The following ST6GAL1 variants were observed in gnomAD, a reference collection of about 807,000 sequenced individuals.
ST6GAL1 encodes ST6 beta-galactoside alpha-2,6-sialyltransferase 1.
In ST6GAL1, 20 loss-of-function variants were observed where a neutral mutation model predicts 38.0. The ratio of observed to expected loss-of-function variants is 0.53; its 90% CI spans 0.37 to 0.77. The LOEUF is 0.77. Ranked by LOEUF, ST6GAL1 falls within the 30% of genes least tolerant of loss-of-function variation. ST6GAL1 has a pLI of 0.00. For synonymous variants in ST6GAL1, 196 were observed against 188.2 expected (o/e 1.04, Z -0.34); for missense variants, 432 against 496.4 (o/e 0.87, Z 1.23).
At chr3:187,022,554 G>T (rs1717365912) in intron 2 of ST6GAL1, among the ~76,000 whole-genome samples, 1 of 152,118 alleles carries the variant, frequency 6.6e-6, no homozygotes, top group South Asian at 2.1e-4. Flanking sequence ...AGCCCTCTGG[G>T]TGAATAGATA....
chr3:187,055,725 A>C (rs2108590353), intron 5 of ST6GAL1, among the ~76,000 whole-genome samples: 1 of 152,278 alleles, frequency 6.6e-6, no homozygotes, highest in South Asian at 2.1e-4. Flanking sequence ...TTTACTTCCA[A>C]CTATGTGGTC....
At chr3:186,955,024 G>A (rs1714701462) in intron 1 of ST6GAL1, among the ~76,000 whole-genome samples, 6 of 152,116 alleles carry the variant, frequency 3.9e-5, no homozygotes, top group Admixed American at 3.9e-4. Context: ...ATAAGGAATG[G>A]GTCCAGTTTC....
intron 1 of ST6GAL1, among the ~76,000 whole-genome samples, chr3:186,957,212 G>GTA (rs1312826639): frequency 6.6e-6 from 1 of 152,216 alleles, no homozygotes; most frequent in Admixed American, 6.5e-5. Flanking sequence ...GGAGGCCAAG[G>GTA]TGAGTGGATC....
At chr3:187,056,804 A>G (rs1261459978) in intron 5 of ST6GAL1, among the ~76,000 whole-genome samples, 1 of 152,166 alleles carries the variant, frequency 6.6e-6, no homozygotes, top group African/African-American at 2.4e-5. Context: ...CTCGAGGAGT[A>G]TCTTTGTGGT....
intron 2 of ST6GAL1, among the ~76,000 whole-genome samples, chr3:186,981,728 C>T (rs2108537918): frequency 6.6e-6 from 1 of 152,318 alleles, no homozygotes; most frequent in Middle Eastern, 3.4e-3. Context: ...GAGAAAGACT[C>T]AACCCTTATC....
intron 2 of ST6GAL1, among the ~76,000 whole-genome samples, chr3:187,029,900 A>G (rs1177969989): frequency 6.6e-6 from 1 of 152,192 alleles, no homozygotes; most frequent in Non-Finnish European, 1.5e-5. Context: ...TAACCACAGA[A>G]GCTTGTTGGA....
At chr3:186,968,250 C>G (rs551709793) in intron 2 of ST6GAL1, among the ~76,000 whole-genome samples, 1 of 152,044 alleles carries the variant, frequency 6.6e-6, no homozygotes, top group Admixed American at 6.6e-5. Flanking sequence ...GTAAAATGGG[C>G]CGAATAATAC....
In ST6GAL1 at chr3:187,077,095, G is replaced by A. The variant is rs1361204221; in HGVS notation, c.*1292G>A. 1 of 397,852 alleles carries A rather than the reference G, an allele frequency of 2.5e-6. No homozygotes were observed. 24.6% of individuals were successfully genotyped at this position (397,852 alleles called of 1,614,324 possible). ...AGTGGTGTGGCTCTCTGGACTTAACGTCACTCTCAGAGGTCAGAACCTTGG... is the reference window on the plus strand; with the variant it reads ...AGTGGTGTGGCTCTCTGGACTTAACATCACTCTCAGAGGTCAGAACCTTGG... On this transcript the variant is annotated 3_prime_UTR_variant, in exon 8 of 8. Transcript: ENST00000169298.
chr3:186,998,793 C>A (rs1455951467), intron 2 of ST6GAL1, among the ~76,000 whole-genome samples: 1 of 152,190 alleles, frequency 6.6e-6, no homozygotes, highest in Non-Finnish European at 1.5e-5. Context: ...ACTTACAGCA[C>A]GTCTCATCTG....
At position 186,952,623 on chromosome 3, in the gene ST6GAL1, C is replaced by T. The variant is rs117474731; in HGVS notation, c.-324-11162C>T. ...GGGTTCAAGCGCTTCTCTGTTGGCT[C>T]ATTTTCACTTGGTCACTGTGGAGTG... On this transcript the variant is annotated intron_variant, in intron 1 of 7. Coordinates refer to ENST00000169298, the MANE Select transcript of ST6GAL1 (RefSeq NM_173216.2). This position sits in a 1 kb window ranked among gnomAD's most constrained non-coding sequence, Gnocchi z 4.1. Among the ~76,000 whole-genome samples, 264 of 152,214 alleles carry T rather than the reference C, an allele frequency of 1.7e-3. 8 individuals carry two copies. The East Asian group carries it at 0.041, about 24-fold the overall frequency.
chr3:186,951,282 C>T (rs1042770404), intron 1 of ST6GAL1, among the ~76,000 whole-genome samples: 3 of 152,154 alleles, frequency 2.0e-5, no homozygotes, highest in African/African-American at 7.2e-5. Context: ...GTCTCGAACT[C>T]CTGACCTCAG....
intron 2 of ST6GAL1, among the ~76,000 whole-genome samples, chr3:187,023,335 T>C (rs1277103951): frequency 6.6e-6 from 1 of 152,222 alleles, no homozygotes; most frequent in East Asian, 1.9e-4. Context: ...CGGATTTATG[T>C]TGTTTGACTC....
At chr3:186,932,375 T>C (rs1294041169) in intron 1 of ST6GAL1, among the ~76,000 whole-genome samples, 2 of 152,216 alleles carry the variant, frequency 1.3e-5, no homozygotes, top group East Asian at 1.9e-4. Flanking sequence ...GATTCTGTGA[T>C]TGGCCTAAAA....
intron 2 of ST6GAL1, among the ~76,000 whole-genome samples, chr3:187,026,738 A>G (rs1717549560): frequency 6.6e-6 from 1 of 152,168 alleles, no homozygotes; most frequent in African/African-American, 2.4e-5. Flanking sequence ...TCACATCAGT[A>G]GTTACGTAAA....
intron 1 of ST6GAL1, among the ~76,000 whole-genome samples, chr3:186,951,575 C>T (rs1714579274): frequency 6.6e-6 from 1 of 152,132 alleles, no homozygotes; most frequent in Admixed American, 6.6e-5. Flanking sequence ...GCTGTTAATT[C>T]CAATGAATGA....
Position 186,952,960 on chromosome 3 carries a change from C to A in ST6GAL1, c.-324-10825C>A, listed in dbSNP as rs550126715. Among the ~76,000 whole-genome samples the A allele has an allele frequency of 1.6e-4, 24 of 152,196 alleles. No individual in the cohort carries two copies. The highest frequency in any genetic ancestry group is 2.9e-4 in the Non-Finnish European group (20 of 68,036). On this transcript the variant is annotated intron_variant, in intron 1 of 7. Transcript: ENST00000169298. The surrounding 1 kb of genome is among the most constrained non-coding windows in gnomAD (Gnocchi z 4.1). ...TCTGGAGTCATTCTAAATTCTCTTT[C>A]TCTCATGCTGCACCCACTCTGTTAG...
chr3:186,993,556 T>TTTTTA (rs781058262), intron 2 of ST6GAL1, among the ~76,000 whole-genome samples: 10 of 88,250 alleles, frequency 1.1e-4, no homozygotes, highest in Middle Eastern at 6.2e-3. Flanking sequence ...CTTGACAGAG[T>TTTTTA]TTTATTTATT....
At chr3:186,988,250 T>C (rs1716023159) in intron 2 of ST6GAL1, among the ~76,000 whole-genome samples, 2 of 152,122 alleles carry the variant, frequency 1.3e-5, no homozygotes, top group Admixed American at 1.3e-4. Flanking sequence ...GATGGTTCAG[T>C]TGGTTTACAC....
intron 2 of ST6GAL1, among the ~76,000 whole-genome samples, chr3:187,026,149 G>C (rs923925621): frequency 6.6e-6 from 1 of 152,208 alleles, no homozygotes; most frequent in African/African-American, 2.4e-5. Flanking sequence ...GCTACAAGTC[G>C]GTTTCTTGTT....
Sources: gnomAD v4.1 joint callset for allele counts (sites outside exome capture counted in the v4.1 genomes callset) on GRCh38, gnomAD v4.1.1 for gene constraint, Gnocchi (gnomAD v3.1) non-coding constraint, MANE v1.5 for transcripts, NCBI Gene and HGNC (gene_info 2026-07-23, HGNC 2026-07-21) for gene names.